The following OR6N2 variants were observed in gnomAD, a reference collection of about 807,000 sequenced individuals.
OR6N2 encodes olfactory receptor family 6 subfamily N member 2.
For missense variants in OR6N2, 399 were observed against 379.7 expected (o/e 1.05, Z -0.42); for synonymous variants, 160 against 138.3 (o/e 1.16, Z -1.10).
intron 1 of OR6N2, among the ~76,000 whole-genome samples, chr1:158,779,200 G>C (rs1657687450): frequency 6.6e-6 from 1 of 152,086 alleles, no homozygotes; most frequent in Non-Finnish European, 1.5e-5. Flanking sequence ...ATGTGTAACA[G>C]ATGCAAAAAG....
In OR6N2 at chr1:158,774,723, T is replaced by C. The variant is rs1190685828; in HGVS notation, c.*1959A>G. 1 of 148,344 alleles carries C rather than the reference T, an allele frequency of 6.7e-6. No individual in the cohort carries two copies. Among genetic ancestry groups the C allele is most frequent in the Non-Finnish European group, 1.5e-5 (1 of 67,202 alleles). The allele number at this position is 148,344 out of a possible 1,614,324, so 9.2% of individuals were successfully genotyped here. A position where few individuals can be genotyped will look rare whatever the true frequency, so the allele number is the denominator to read the frequency against. On this transcript the variant is annotated 3_prime_UTR_variant, in exon 2 of 2. Coordinates refer to ENST00000641131, the MANE Select transcript of OR6N2 (RefSeq NM_001005278.2). ...AAAGTTTGTGAGTGAAAAAAAAAAATACAGATCCAGAAAATTAACCTAGTA... is the reference window on the plus strand; with the variant it reads ...AAAGTTTGTGAGTGAAAAAAAAAAACACAGATCCAGAAAATTAACCTAGTA...
chr1:158,779,018 C>CAAAAAAAAAAAAAAAAA (rs10680954), intron 1 of OR6N2, among the ~76,000 whole-genome samples: 52 of 86,204 alleles, frequency 6.0e-4, no homozygotes, highest in African/African-American at 1.8e-3. Flanking sequence ...GACTGCGTCT[C>CAAAAAAAAAAAAAAAAA]AAAAAAAAAA....
At chr1:158,779,076 T>C (rs1657684012) in intron 1 of OR6N2, among the ~76,000 whole-genome samples, 3 of 148,158 alleles carry the variant, frequency 2.0e-5, no homozygotes, top group Non-Finnish European at 4.5e-5. Flanking sequence ...GCAATAAACA[T>C]GCATCTTGTG....
In OR6N2 at chr1:158,777,061, G is replaced by T; in HGVS notation, c.575C>A (p.Thr192Lys). 6.2e-7 allele frequency: 1 copy of T among 1,614,136 alleles called. No homozygotes were observed. The highest frequency in any genetic ancestry group is 8.5e-7 in the Non-Finnish European group (1 of 1,179,996). Residue 192 changes from threonine to lysine, a missense_variant, in exon 2 of 2, where the codon ACA becomes AAA. Thr to Lys is a moderately conservative substitution (Grantham distance 78). Transcript: ENST00000641131. ...PPLLSLACKD[T>K]SANILVDFAI... ...AAAGTCCACCAGAATGTTAGCAGAT[G>T]TGTCCTTGCAGGCCAAGCTCAGCAA...
chr1:158,779,709 T>C (rs1372813697), intron 1 of OR6N2, among the ~76,000 whole-genome samples: 2 of 152,234 alleles, frequency 1.3e-5, no homozygotes, highest in Non-Finnish European at 2.9e-5. Flanking sequence ...TTACATTTCC[T>C]TTGCTTCTAA....
chr1:158,777,481 T>C lies in OR6N2; in HGVS notation c.155A>G (p.Asp52Gly). 1 of 1,614,158 alleles carries C rather than the reference T, an allele frequency of 6.2e-7. No homozygotes were observed. Among genetic ancestry groups the C allele is most frequent in the Non-Finnish European group, 8.5e-7 (1 of 1,180,000 alleles). The part of the protein sequence containing the change: ...NMLIFSVIRL[D>G]AALHTPMYHF... ...GTACATAGGTGTGTGCAGAGCTGCA[T>C]CCAGTCGGATGACTGAGAAGATGAG... Residue 52 changes from aspartate to glycine, a missense_variant, in exon 2 of 2, where the codon GAT becomes GGT. Coordinates refer to ENST00000641131, the MANE Select transcript of OR6N2 (RefSeq NM_001005278.2).
rs1400997501 is a variant in OR6N2, at chr1:158,777,354, A to T, written c.282T>A (p.Phe94Leu). 1 of 1,614,238 alleles carries T rather than the reference A, an allele frequency of 6.2e-7. No homozygotes were observed. The highest frequency in any genetic ancestry group is 1.3e-5 in the African/African-American group (1 of 75,066). The change falls in exon 2 of 2, where the codon TTT becomes TTA. Residue 94 changes from phenylalanine (F) to leucine (L), a missense_variant. Coordinates refer to ENST00000641131, the MANE Select transcript of OR6N2 (RefSeq NM_001005278.2). ...NILSEKKTISFAGCLLQTYFF... is the reference protein window; with the variant it reads ...NILSEKKTISLAGCLLQTYFF... ...AGTAGGTCTGAAGGAGGCATCCTGC[A>T]AAAGAAATGGTTTTCTTCTCACTGA... is the stretch of plus-strand genomic sequence containing the variant.
In OR6N2 at chr1:158,777,575, C is replaced by T. The variant is rs748129310; in HGVS notation, c.61G>A (p.Gly21Ser). The T allele has an allele frequency of 6.2e-7, 1 of 1,613,910 alleles. No individual in the cohort carries two copies. Among genetic ancestry groups the T allele is most frequent in the East Asian group, 2.2e-5 (1 of 44,888 alleles). The change falls in exon 2 of 2, where the codon GGC becomes AGC. Residue 21 changes from glycine (G) to serine (S), a missense_variant. By Grantham distance (56) the Gly-to-Ser change is moderately conservative. Transcript: ENST00000641131. ...ACAAAAAGCCAGCCCCTGACATAGC[C>T]CACACTGGCAAAGCCAAGGAACACA... ...EFVFLGFASV[G>S]YVRGWLFVLL...
chr1:158,777,710 TTC>T (rs753698246), intron 1 of OR6N2, 69 bp from the exon 2 acceptor site: 218 of 883,206 alleles, frequency 2.5e-4, no homozygotes, highest in Non-Finnish European at 3.3e-4. Flanking sequence ...AAAACTTCAT[TTC>T]TCTCTCTCTC....
In OR6N2 at chr1:158,776,838, A is replaced by G. The variant is rs745830421; in HGVS notation, c.798T>C (p.Tyr266=). 6.8e-6 allele frequency: 11 copies of G among 1,614,052 alleles called. No homozygotes were observed. The South Asian group carries it at 1.2e-4, about 18-fold the overall frequency. ...IFMYVRLKKS[Y]SLTLDRTLAI... is the part of the protein sequence containing the mutation. Reference sequence around the variant, plus strand: ...CAAGTGTTCGGTCAAGGGTCAGGGAATAGCTCTTCTTTAGCCGCACATACA... The same window carrying G: ...CAAGTGTTCGGTCAAGGGTCAGGGAGTAGCTCTTCTTTAGCCGCACATACA... The change falls in exon 2 of 2, where the codon TAT becomes TAC. Residue 266 remains tyrosine, a synonymous_variant. Transcript: ENST00000641131.
rs1047281502 is a variant in OR6N2, at chr1:158,777,402, G to C, written c.234C>G (p.Ile78Met). ...TGAGAATATTAGACAACATCTTAGG[G>C]ATAGTGGTAGCTGTATACCACAACT... is the stretch of plus-strand genomic sequence containing the variant. ...FLELWYTATT[I>M]PKMLSNILSE... The change falls in exon 2 of 2, where the codon ATC (isoleucine) becomes ATG (methionine). Residue 78 changes from isoleucine to methionine, a missense_variant. Coordinates refer to ENST00000641131, the MANE Select transcript of OR6N2 (RefSeq NM_001005278.2). 7 of 1,614,006 alleles carry C rather than the reference G, an allele frequency of 4.3e-6. No individual in the cohort carries two copies. The African/African-American group carries it at 9.3e-5, about 22-fold the overall frequency.
chr1:158,778,997 C>A (rs1013020231), intron 1 of OR6N2, among the ~76,000 whole-genome samples: 5 of 116,532 alleles, frequency 4.3e-5, no homozygotes, highest in African/African-American at 1.5e-4. Context: ...CCAGCCTGGG[C>A]GACAGTGCGA....
chr1:158,779,282 C>T (rs1358708652), intron 1 of OR6N2, among the ~76,000 whole-genome samples: 2 of 152,072 alleles, frequency 1.3e-5, no homozygotes, highest in African/African-American at 4.8e-5. Flanking sequence ...CACACCATAC[C>T]CTGTGTAGAT....
At position 158,777,608 on chromosome 1, in the gene OR6N2, C is replaced by G; in HGVS notation, c.28G>C (p.Ala10Pro). The G allele has an allele frequency of 6.2e-7, 1 of 1,613,432 alleles. No individual in the cohort carries two copies. The highest frequency in any genetic ancestry group is 1.3e-5 in the African/African-American group (1 of 75,002). The change falls in exon 2 of 2, where the codon GCT (alanine) becomes CCT (proline). Residue 10 changes from alanine (A) to proline (P), a missense_variant. Physicochemically the swap from Ala to Pro is conservative, Grantham distance 27. Coordinates refer to ENST00000641131, the MANE Select transcript of OR6N2 (RefSeq NM_001005278.2). MDQYNHSSL[A>P]EFVFLGFASV... ...GCAAAGCCAAGGAACACAAATTCAGCCAGGCTTGAATGGTTGTATTGATCC... is the reference window on the plus strand; with the variant it reads ...GCAAAGCCAAGGAACACAAATTCAGGCAGGCTTGAATGGTTGTATTGATCC...
rs1657529461 is a variant in OR6N2 at position 158,774,451 on chromosome 1, C to T, written c.*2231G>A. ...GTTCATCACAAGCCCATTCCCACAG[C>T]TCAGGAAAGCTGCCCAGGCTGAATG... On this transcript the variant is annotated 3_prime_UTR_variant, in exon 2 of 2. Coordinates refer to ENST00000641131, the MANE Select transcript of OR6N2 (RefSeq NM_001005278.2). 6.6e-6 allele frequency: 1 copy of T among 152,154 alleles called. No individual in the cohort carries two copies. The highest frequency in any genetic ancestry group is 1.5e-5 in the Non-Finnish European group (1 of 68,038). The allele number at this position is 152,154 out of a possible 1,614,324, so 9.4% of individuals were successfully genotyped here.
Position 158,776,977 on chromosome 1 carries a change from C to T in OR6N2, c.659G>A (p.Arg220Lys), listed in dbSNP as rs1430276550. 6.2e-7 allele frequency: 1 copy of T among 1,614,064 alleles called. No individual in the cohort carries two copies. Among genetic ancestry groups the T allele is most frequent in the African/African-American group, 1.3e-5 (1 of 74,974 alleles). ...TFFFIMISYARIIGAVLKIKT... is the reference protein window; with the variant it reads ...TFFFIMISYAKIIGAVLKIKT... ...TATCTTCAGCACAGCCCCAATGATC[C>T]TTGCATAAGAAATCATGATAAAGAA... Residue 220 changes from arginine to lysine, a missense_variant, in exon 2 of 2, where the codon AGG becomes AAG. Physicochemically the swap from Arg to Lys is conservative, Grantham distance 26. Coordinates refer to ENST00000641131, the MANE Select transcript of OR6N2 (RefSeq NM_001005278.2).
intron 1 of OR6N2, among the ~76,000 whole-genome samples, chr1:158,780,108 A>C (rs1558037048): frequency 6.6e-6 from 1 of 152,210 alleles, no homozygotes. Context: ...ATTCTAATAA[A>C]CTTAGCGTCT....
chr1:158,776,618 G>A lies in OR6N2; in HGVS notation c.*64C>T, dbSNP rs1444449375. The stretch of plus-strand genomic sequence containing the variant: ...GAAATTCAGAGCATGTGTGATGATG[G>A]GAAGATTACTCAAGGAACTTTTATG... On this transcript the variant is annotated 3_prime_UTR_variant, in exon 2 of 2. Transcript: ENST00000641131. 3.4e-6 allele frequency: 3 copies of A among 884,174 alleles called. No homozygotes were observed. Among genetic ancestry groups the A allele is most frequent in the Non-Finnish European group, 5.3e-6 (3 of 564,464 alleles). The allele number at this position is 884,174 out of a possible 1,614,324, so 54.8% of individuals were successfully genotyped here.
At chr1:158,779,101 A>G (rs1229526357) in intron 1 of OR6N2, among the ~76,000 whole-genome samples, 1 of 151,762 alleles carries the variant, frequency 6.6e-6, no homozygotes, top group Non-Finnish European at 1.5e-5. Flanking sequence ...CATAAAATCA[A>G]TTATATAAAT....
Sources: gnomAD v4.1 joint callset for allele counts (sites outside exome capture counted in the v4.1 genomes callset) on GRCh38, gnomAD v4.1.1 for gene constraint, MANE v1.5 for transcripts, NCBI Gene and HGNC (gene_info 2026-07-23, HGNC 2026-07-21) for gene names.